Variants in CDADC1 observed in about 807,000 individuals in gnomAD.
CDADC1 encodes cytidine and dCMP deaminase domain containing 1.
A neutral mutation model predicts 54.9 loss-of-function variants in CDADC1; 39 were observed. That is an observed-to-expected ratio of 0.71 (90% confidence interval 0.55 to 0.93). The LOEUF (loss-of-function observed/expected upper bound fraction) is 0.93. Among genes scored for constraint, CDADC1 ranks in the 40% least tolerant of loss-of-function variants. The pLI is 0.00. For missense variants in CDADC1, 518 were observed against 618.8 expected (o/e 0.84, Z 1.73); for synonymous variants, 186 against 204.0 (o/e 0.91, Z 0.75).
intron 9 of CDADC1, among the ~76,000 whole-genome samples, chr13:49,290,320 G>A (rs1458014770): frequency 6.6e-6 from 1 of 151,776 alleles, no homozygotes; most frequent in Non-Finnish European, 1.5e-5. Context: ...TAACTCTTTT[G>A]GGGCAGTAAG....
At chr13:49,262,163 T>C (rs1952701439) in intron 4 of CDADC1, among the ~76,000 whole-genome samples, 1 of 152,186 alleles carries the variant, frequency 6.6e-6, no homozygotes, top group Non-Finnish European at 1.5e-5. Flanking sequence ...TACCTTCAGG[T>C]TGGGCATGGT....
At chr13:49,282,161 T>C (rs1303771454) in intron 8 of CDADC1, among the ~76,000 whole-genome samples, 1 of 151,634 alleles carries the variant, frequency 6.6e-6, no homozygotes, top group African/African-American at 2.4e-5. Context: ...AAAAATGTAC[T>C]GAGGTAGTTC....
chr13:49,265,797 A>G, intron 4 of CDADC1: 1 of 1,216,308 alleles, frequency 8.2e-7, no homozygotes, highest in East Asian at 6.2e-5. Flanking sequence ...CTGAGATCAA[A>G]AAATTTGAGA....
At chr13:49,255,808 CT>C (rs199954135) in intron 2 of CDADC1, 30 bp from the exon 3 acceptor site, 189 of 1,592,408 alleles carry the variant, frequency 1.2e-4, no homozygotes, top group Admixed American at 5.7e-4. Flanking sequence ...ATGTGCTAAT[CT>C]TTTTTTTTCC....
At chr13:49,283,935 C>G (rs944599128) in intron 8 of CDADC1, among the ~76,000 whole-genome samples, 1 of 152,136 alleles carries the variant, frequency 6.6e-6, no homozygotes, top group Non-Finnish European at 1.5e-5. Flanking sequence ...AGAATTTGTT[C>G]TAAATCTGAA....
At position 49,266,463 on chromosome 13, in the gene CDADC1, C is replaced by T. The variant is rs977832860; in HGVS notation, c.431-1027C>T. Among the ~76,000 whole-genome samples, 94 of 152,100 alleles carry T rather than the reference C, an allele frequency of 6.2e-4. 1 individual carries two copies. Among genetic ancestry groups the T allele is most frequent in the Non-Finnish European group, 9.0e-4 (61 of 68,020 alleles). On this transcript the variant is annotated intron_variant, in intron 4 of 9. Transcript: ENST00000251108. Reference sequence around the variant, plus strand: ...TTTTCTGTATATTAAACATTACTAACCTTTCCTCTGTCACACTGATTGAAA... The same window carrying T: ...TTTTCTGTATATTAAACATTACTAATCTTTCCTCTGTCACACTGATTGAAA...
At chr13:49,272,177 G>A (rs960100005) in intron 5 of CDADC1, among the ~76,000 whole-genome samples, 12 of 152,114 alleles carry the variant, frequency 7.9e-5, no homozygotes, top group Non-Finnish European at 1.8e-4. Flanking sequence ...AGAAAAGGGG[G>A]CTTTTAATAT....
chr13:49,255,822 A>C lies in CDADC1; in HGVS notation c.178-17A>C, dbSNP rs549446970. Reference sequence around the variant, plus strand: ...TATGTGCTAATCTTTTTTTTTCCTTAATCTGATTTTTATTAGAAAAATGAA... The same window carrying C: ...TATGTGCTAATCTTTTTTTTTCCTTCATCTGATTTTTATTAGAAAAATGAA... On this transcript the variant is annotated splice_polypyrimidine_tract_variant and intron_variant, in intron 2 of 9. Transcript: ENST00000251108. The C allele has an allele frequency of 5.6e-6, 9 of 1,603,974 alleles. No individual in the cohort carries two copies. Among genetic ancestry groups the C allele is most frequent in the Admixed American group, 5.2e-5 (3 of 57,762 alleles).
chr13:49,263,143 C>T lies in CDADC1; in HGVS notation c.430+3620C>T, dbSNP rs200325140. On this transcript the variant is annotated intron_variant, in intron 4 of 9. Coordinates refer to ENST00000251108, the MANE Select transcript of CDADC1 (RefSeq NM_030911.4). ...TTTTTAATGGAACATCATGAACTGA[C>T]AATGGTTAGTTAGACTTGGATATTT... Among the ~76,000 whole-genome samples, 110 of 152,168 alleles carry T rather than the reference C, an allele frequency of 7.2e-4. 1 individual carries two copies. Among genetic ancestry groups the T allele is most frequent in the African/African-American group, 2.6e-3 (107 of 41,506 alleles).
In CDADC1 at chr13:49,290,836, A is replaced by G. The variant is rs187665719; in HGVS notation, c.1472-848A>G. ...CCCATCTCTACAAATATTACAAATC[A>G]AAAAGTAAATTAAAAAAATTCATCA... On this transcript the variant is annotated intron_variant, in intron 9 of 9. Coordinates refer to ENST00000251108, the MANE Select transcript of CDADC1 (RefSeq NM_030911.4). 2.0e-3 allele frequency among the ~76,000 whole-genome samples: 299 copies of G among 152,338 alleles called. 1 individual carries two copies. The highest frequency in any genetic ancestry group is 3.3e-3 in the Non-Finnish European group (223 of 68,022).
chr13:49,292,864 C>T lies in CDADC1; in HGVS notation c.*1107C>T. On this transcript the variant is annotated 3_prime_UTR_variant, in exon 10 of 10. Transcript: ENST00000251108. ...GGTTTGCCTCTGCTTTTGTTCCCTG[C>T]CTTTCCGCCACATCACACGGCCTCA... The T allele has an allele frequency of 9.5e-7, 1 of 1,057,726 alleles. No individual in the cohort carries two copies. Among genetic ancestry groups the T allele is most frequent in the Non-Finnish European group, 1.2e-6 (1 of 800,410 alleles). 65.5% of individuals were successfully genotyped at this position (1,057,726 alleles called of 1,614,324 possible). A position where few individuals can be genotyped will look rare whatever the true frequency, so the allele number is the denominator to read the frequency against.
In CDADC1 at chr13:49,280,611, C is replaced by G; in HGVS notation, c.1323C>G (p.Ile441Met). Reference protein sequence around the residue: ...PLIKGAGIKQIYAGDVDVGKK... With the variant: ...PLIKGAGIKQMYAGDVDVGKK... ...TTAAAGGTGCAGGCATAAAACAAAT[C>G]TATGCAGGAGATGTAGATGTTGGAA... is the stretch of plus-strand genomic sequence containing the variant. Residue 441 changes from isoleucine (I) to methionine (M), a missense_variant, in exon 8 of 10, where the codon ATC becomes ATG. By Grantham distance (10) the Ile-to-Met change is conservative. Coordinates refer to ENST00000251108, the MANE Select transcript of CDADC1 (RefSeq NM_030911.4). The G allele has an allele frequency of 1.2e-6, 2 of 1,601,826 alleles. No individual in the cohort carries two copies.
chr13:49,277,188 A>G (rs559197537), intron 6 of CDADC1, among the ~76,000 whole-genome samples: 1 of 134,024 alleles, frequency 7.5e-6, no homozygotes, highest in East Asian at 2.6e-4. Context: ...AAAACTCAGT[A>G]TGGCTGGGTG....
chr13:49,269,292 G>A (rs1399009366), intron 5 of CDADC1, among the ~76,000 whole-genome samples: 5 of 70,946 alleles, frequency 7.0e-5, no homozygotes, highest in Non-Finnish European at 1.2e-4. Context: ...AAAAAGTACA[G>A]ATGCTATACT....
chr13:49,288,499 TTC>T (rs1480148517), intron 9 of CDADC1, among the ~76,000 whole-genome samples: 4 of 152,224 alleles, frequency 2.6e-5, no homozygotes, highest in Non-Finnish European at 5.9e-5. Flanking sequence ...CAACCACTCT[TTC>T]AGTTTTTATG....
At chr13:49,285,394 G>A (rs1430899486) in intron 8 of CDADC1, among the ~76,000 whole-genome samples, 1 of 151,918 alleles carries the variant, frequency 6.6e-6, no homozygotes, top group Non-Finnish European at 1.5e-5. Flanking sequence ...TAGCCAGGAT[G>A]GTCTCTATCT....
At chr13:49,283,738 C>G (rs1035848998) in intron 8 of CDADC1, among the ~76,000 whole-genome samples, 4 of 152,178 alleles carry the variant, frequency 2.6e-5, no homozygotes, top group African/African-American at 9.7e-5. Flanking sequence ...TTGGGCCAGA[C>G]CCTCCCGGAA....
At chr13:49,263,732 G>T (rs1478967562) in intron 4 of CDADC1, among the ~76,000 whole-genome samples, 1 of 151,818 alleles carries the variant, frequency 6.6e-6, no homozygotes, top group Non-Finnish European at 1.5e-5. Flanking sequence ...GCATCCAGTT[G>T]TCTTCTATTA....
At chr13:49,284,181 G>T (rs182670654) in intron 8 of CDADC1, among the ~76,000 whole-genome samples, 1 of 152,190 alleles carries the variant, frequency 6.6e-6, no homozygotes, top group Non-Finnish European at 1.5e-5. Context: ...CACATACTCA[G>T]TTCTTTGTTT....
Sources: gnomAD v4.1 joint callset for allele counts (sites outside exome capture counted in the v4.1 genomes callset) on GRCh38, gnomAD v4.1.1 for gene constraint, MANE v1.5 for transcripts, NCBI Gene and HGNC (gene_info 2026-07-23, HGNC 2026-07-21) for gene names.